Variants in KCNMB2 observed in about 807,000 individuals in gnomAD.
KCNMB2 encodes the protein potassium calcium-activated channel subfamily M regulatory beta subunit 2.
Under a neutral mutation model 24.5 loss-of-function variants are expected in KCNMB2, and 9 were observed. The observed-to-expected ratio is 0.37, with a 90% CI of 0.22 to 0.64. KCNMB2 has a LOEUF of 0.64. Among genes scored for constraint, KCNMB2 ranks in the 30% least tolerant of loss-of-function variants. The pLI is 0.63. For missense variants in KCNMB2, 226 were observed against 284.3 expected, an observed-to-expected ratio of 0.79 and a Z score of 1.47; for synonymous variants, 109 against 104.4, an observed-to-expected ratio of 1.04 and a Z score of -0.27.
chr3:178,582,402 C>G (rs1033516856), intron 1 of KCNMB2, among the ~76,000 whole-genome samples: 2 of 152,076 alleles, frequency 1.3e-5, no homozygotes, highest in African/African-American at 4.8e-5. Flanking sequence ...GGAGAAATAC[C>G]TAATGTAGGT....
At chr3:178,687,195 T>C (rs1230254507) in intron 1 of KCNMB2, among the ~76,000 whole-genome samples, 1 of 152,086 alleles carries the variant, frequency 6.6e-6, no homozygotes, top group East Asian at 1.9e-4. Flanking sequence ...CCATGACATT[T>C]TCCAAAATAA....
chr3:178,659,809 A>T (rs1577078672), intron 1 of KCNMB2, among the ~76,000 whole-genome samples: 1 of 152,348 alleles, frequency 6.6e-6, no homozygotes, highest in East Asian at 1.9e-4. Flanking sequence ...AGTTCCTTAT[A>T]AATGGTAGCT....
chr3:178,584,117 G>A (rs1410225784), intron 1 of KCNMB2, among the ~76,000 whole-genome samples: 3 of 152,206 alleles, frequency 2.0e-5, no homozygotes, highest in Non-Finnish European at 4.4e-5. Context: ...TGTCCTAGCT[G>A]GCAGGGCTAA....
chr3:178,644,513 G>C (rs1234477923), intron 1 of KCNMB2, among the ~76,000 whole-genome samples: 1 of 152,226 alleles, frequency 6.6e-6, no homozygotes, highest in African/African-American at 2.4e-5. Context: ...AACTCCACCT[G>C]CCTGGCTTAG....
At chr3:178,706,600 A>T (rs1266763639) in intron 1 of KCNMB2, among the ~76,000 whole-genome samples, 2 of 152,124 alleles carry the variant, frequency 1.3e-5, no homozygotes, top group African/African-American at 4.8e-5. Context: ...TTCATAAAAA[A>T]GAGGAAGTCA....
chr3:178,809,203 ATCC>A (rs1390178131), intron 2 of KCNMB2, among the ~76,000 whole-genome samples: 1 of 152,232 alleles, frequency 6.6e-6, no homozygotes, highest in Non-Finnish European at 1.5e-5. Context: ...CCAGGACCAA[ATCC>A]AAGAGTTTTG....
chr3:178,690,056 G>C (rs1005415315), intron 1 of KCNMB2, among the ~76,000 whole-genome samples: 1 of 152,140 alleles, frequency 6.6e-6, no homozygotes, highest in Non-Finnish European at 1.5e-5. Flanking sequence ...ATAAAAATCT[G>C]TGTTTTTAGA....
chr3:178,632,609 T>C (rs1011218865), intron 1 of KCNMB2, among the ~76,000 whole-genome samples: 2 of 152,122 alleles, frequency 1.3e-5, no homozygotes, highest in South Asian at 4.1e-4. Context: ...ACTGAGTCCC[T>C]CCCATGACAC....
rs1473932186 is a variant in KCNMB2, at chr3:178,715,633, A to AG, written c.-67-91710_-67-91709insG. ...TGTAAATCAAGCATATCTGGAAACCACACCATACTGCTGTCATGGGTTTTA... is the reference window on the plus strand; with the variant it reads ...TGTAAATCAAGCATATCTGGAAACCAGCACCATACTGCTGTCATGGGTTTTA... On this transcript the variant is annotated intron_variant, in intron 1 of 4. Coordinates refer to ENST00000452583, the MANE Select transcript of KCNMB2 (RefSeq NM_181361.3). 1.8e-4 allele frequency among the ~76,000 whole-genome samples: 27 copies of AG among 152,174 alleles called. 1 individual carries two copies. The highest frequency in any genetic ancestry group is 4.4e-5 in the Non-Finnish European group (3 of 68,036).
chr3:178,688,976 C>G (rs556822283), intron 1 of KCNMB2, among the ~76,000 whole-genome samples: 1 of 152,154 alleles, frequency 6.6e-6, no homozygotes, highest in South Asian at 2.1e-4. Flanking sequence ...GGAATTAAAA[C>G]TATAAGAAAT....
chr3:178,626,733 G>A (rs894534346), intron 1 of KCNMB2, among the ~76,000 whole-genome samples: 6 of 151,986 alleles, frequency 3.9e-5, no homozygotes, highest in African/African-American at 1.5e-4. Flanking sequence ...TAGACACATG[G>A]AGATTATGAG....
chr3:178,838,948 TATA>T (rs1715330954), intron 4 of KCNMB2, among the ~76,000 whole-genome samples: 1 of 152,198 alleles, frequency 6.6e-6, no homozygotes, highest in African/African-American at 2.4e-5. Flanking sequence ...AACTGAAAAT[TATA>T]ATGTTTTGAA....
At chr3:178,610,912 C>G (rs1279206832) in intron 1 of KCNMB2, among the ~76,000 whole-genome samples, 1 of 152,146 alleles carries the variant, frequency 6.6e-6, no homozygotes, top group Admixed American at 6.5e-5. Flanking sequence ...CCTTCTATAC[C>G]TAGTCTTCCT....
intron 1 of KCNMB2, among the ~76,000 whole-genome samples, chr3:178,590,193 T>A (rs1223743801): frequency 6.6e-6 from 1 of 152,168 alleles, no homozygotes; most frequent in Non-Finnish European, 1.5e-5. Context: ...TTCTCTCTCT[T>A]ATTTAGTGCT....
intron 1 of KCNMB2, among the ~76,000 whole-genome samples, chr3:178,681,671 C>T (rs552272226): frequency 1.2e-4 from 18 of 152,312 alleles, no homozygotes; most frequent in East Asian, 5.8e-4. Flanking sequence ...TAGACAAATA[C>T]GTAGCCGGAT....
intron 1 of KCNMB2, among the ~76,000 whole-genome samples, chr3:178,607,012 T>A (rs1244408019): frequency 2.6e-5 from 4 of 152,218 alleles, no homozygotes; most frequent in Admixed American, 1.3e-4. Context: ...CCTTCAGAAC[T>A]GTGAGAAATA....
chr3:178,838,106 TA>T (rs1207837526), intron 4 of KCNMB2, among the ~76,000 whole-genome samples: 1 of 152,196 alleles, frequency 6.6e-6, no homozygotes, highest in African/African-American at 2.4e-5. Context: ...TGTTATTTTT[TA>T]AATGCTTTGG....
At chr3:178,614,836 T>A (rs1718648853) in intron 1 of KCNMB2, among the ~76,000 whole-genome samples, 1 of 152,172 alleles carries the variant, frequency 6.6e-6, no homozygotes, top group Non-Finnish European at 1.5e-5. Context: ...ATAGTAGATG[T>A]TTTTTGGTGT....
At chr3:178,803,351 G>C (rs1713845383) in intron 1 of KCNMB2, among the ~76,000 whole-genome samples, 4 of 152,218 alleles carry the variant, frequency 2.6e-5, no homozygotes, top group Admixed American at 1.3e-4. Flanking sequence ...GAAAGGGATA[G>C]ATGGAGCTGG....
Sources: allele counts gnomAD v4.1 joint callset (sites outside exome capture counted in the v4.1 genomes callset), GRCh38; gene constraint gnomAD v4.1.1; transcripts MANE v1.5; gene names NCBI Gene and HGNC (gene_info 2026-07-23, HGNC 2026-07-21).